Variants in LPAR6 observed in about 807,000 individuals in gnomAD.
LPAR6 encodes lysophosphatidic acid receptor 6.
LPAR6 carries 17 observed loss-of-function variants against 22.0 expected under a neutral mutation model. The observed-to-expected ratio is 0.77, with a 90% confidence interval of 0.53 to 1.16. LPAR6 has a LOEUF of 1.16. LPAR6 is among the 50% of genes most tolerant of loss of function. LPAR6 has a pLI of 0.00. For missense variants in LPAR6, 384 were observed against 406.9 expected, an observed-to-expected ratio of 0.94 and a Z score of 0.48; for synonymous variants, 136 against 139.8, an observed-to-expected ratio of 0.97 and a Z score of 0.19.
At chr13:48,441,745 T>C (rs1054061074) in intron 1 of LPAR6, among the ~76,000 whole-genome samples, 6 of 152,320 alleles carry the variant, frequency 3.9e-5, no homozygotes, top group African/African-American at 1.4e-4. Context: ...TTTGCTATCA[T>C]AGAATTATAT....
At chr13:48,414,668 A>T (rs1948877682), upstream of LPAR6, among the ~76,000 whole-genome samples, 1 of 152,088 alleles carries the variant, frequency 6.6e-6, no homozygotes, top group South Asian at 2.1e-4. Flanking sequence ...TTACAGTAAA[A>T]TGTTTTGTGT....
intron 1 of LPAR6, among the ~76,000 whole-genome samples, chr13:48,424,420 G>T (rs1261595850): frequency 1.3e-5 from 2 of 152,214 alleles, no homozygotes; most frequent in East Asian, 3.8e-4. Context: ...GAAGAGGAAA[G>T]ATTTAAAGGG....
At chr13:48,392,021 C>T (rs946505000) in intron 1 of LPAR6, among the ~76,000 whole-genome samples, 3 of 152,140 alleles carry the variant, frequency 2.0e-5, no homozygotes, top group African/African-American at 7.2e-5. Flanking sequence ...AGGTCTTTTG[C>T]TGGGTATTGA....
intron 1 of LPAR6, among the ~76,000 whole-genome samples, chr13:48,436,903 C>G (rs1294241491): frequency 1.3e-5 from 2 of 152,140 alleles, no homozygotes; most frequent in African/African-American, 4.8e-5. Context: ...AAAACAATAG[C>G]AATTTCTGCC....
upstream of LPAR6, among the ~76,000 whole-genome samples, chr13:48,413,846 T>C (rs1948860795): frequency 6.6e-6 from 1 of 152,228 alleles, no homozygotes; most frequent in Non-Finnish European, 1.5e-5. Context: ...CAAAATTTTT[T>C]TAACCTTAAA....
At position 48,424,046 on chromosome 13, in the gene LPAR6, C is replaced by T. The variant is rs117402689; in HGVS notation, c.-1094-1256G>A. 853 of 152,758 alleles carry T rather than the reference C, an allele frequency of 5.6e-3. 5 individuals are homozygous for T. The highest frequency in any genetic ancestry group is 0.01 in the Middle Eastern group (3 of 294). 9.5% of individuals were successfully genotyped at this position (152,758 alleles called of 1,614,324 possible). Reference sequence around the variant, plus strand: ...TGCCATGGTGAAATGTGACTTCCATCTCTTAATTTACACTTATGCAAAAAG... The same window carrying T: ...TGCCATGGTGAAATGTGACTTCCATTTCTTAATTTACACTTATGCAAAAAG... On this transcript the variant is annotated intron_variant, in intron 1 of 4. Transcript: ENST00000345941.
At chr13:48,433,301 T>G (rs1452833481) in intron 1 of LPAR6, among the ~76,000 whole-genome samples, 1 of 152,176 alleles carries the variant, frequency 6.6e-6, no homozygotes, top group Non-Finnish European at 1.5e-5. Flanking sequence ...TGTACTTTGA[T>G]GTTTTAAAAC....
intron 2 of LPAR6, among the ~76,000 whole-genome samples, chr13:48,420,273 C>T (rs1332870423): frequency 6.6e-6 from 1 of 152,072 alleles, no homozygotes; most frequent in African/African-American, 2.4e-5. Flanking sequence ...TAAACAGAAC[C>T]AAAGATAAAA....
rs984024626 is a variant in LPAR6 at position 48,432,092 on chromosome 13, G to C, written c.-1473-7973C>G. ...AGAAAAATAATTTAGGAGGAAAAAG[G>C]GGGTGGGCTTTTACTGTTCTACATA... On this transcript the variant is annotated intron_variant, in intron 1 of 6. Transcript: ENST00000378434. 2.0e-5 allele frequency among the ~76,000 whole-genome samples: 3 copies of C among 152,148 alleles called. No homozygotes were observed. The South Asian group carries it at 6.2e-4, about 32-fold the overall frequency.
chr13:48,416,867 A>G (rs577402775), upstream of LPAR6, among the ~76,000 whole-genome samples: 4 of 152,266 alleles, frequency 2.6e-5, no homozygotes, highest in Admixed American at 1.3e-4. Context: ...GCTTCTCTAG[A>G]GTCCTCCTCT....
At chr13:48,403,919 T>C (rs967459814) in intron 1 of LPAR6, among the ~76,000 whole-genome samples, 3 of 152,138 alleles carry the variant, frequency 2.0e-5, no homozygotes, top group Non-Finnish European at 4.4e-5. Context: ...GAGGATTGCT[T>C]GAGCCTGGGA....
upstream of LPAR6, among the ~76,000 whole-genome samples, chr13:48,430,897 T>TG (rs1305276621): frequency 6.6e-6 from 1 of 152,154 alleles, no homozygotes; most frequent in Non-Finnish European, 1.5e-5. Context: ...TACTTCAGCC[T>TG]GGGTGACAGC....
upstream of LPAR6, among the ~76,000 whole-genome samples, chr13:48,430,099 A>G (rs1252471384): frequency 6.6e-6 from 1 of 152,194 alleles, no homozygotes; most frequent in Admixed American, 6.5e-5. Flanking sequence ...CCTAATTTGC[A>G]TTCTCCACAC....
chr13:48,407,253 T>C (rs889182135), downstream of LPAR6, among the ~76,000 whole-genome samples: 9 of 152,224 alleles, frequency 5.9e-5, no homozygotes, highest in Non-Finnish European at 1.2e-4. Context: ...ATACCCCTTC[T>C]GGGGCTCTAT....
At chr13:48,409,569 G>GTTT (rs1948772358), downstream of LPAR6, among the ~76,000 whole-genome samples, 1 of 90,524 alleles carries the variant, frequency 1.1e-5, no homozygotes, top group African/African-American at 4.3e-5. Flanking sequence ...AGAACTGCTT[G>GTTT]ATTTTTTTTT....
intron 2 of LPAR6, among the ~76,000 whole-genome samples, chr13:48,421,164 T>C (rs866185077): frequency 6.6e-6 from 1 of 152,118 alleles, no homozygotes; most frequent in Non-Finnish European, 1.5e-5. Context: ...CAAAACAGCA[T>C]GGTATTGGTA....
chr13:48,408,879 A>C (rs1566209538), downstream of LPAR6: 1 of 152,156 alleles, frequency 6.6e-6, no homozygotes, highest in Non-Finnish European at 1.5e-5. Context: ...ATCTTGCCTT[A>C]AGTTGAGATC....
chr13:48,399,159 C>G (rs2804089), intron 1 of LPAR6, among the ~76,000 whole-genome samples: 137,722 of 152,024 alleles, frequency 0.91, 63,411 homozygotes, highest in East Asian at 1. Context: ...GAAGGGGTGA[C>G]AATGAGGTGA....
chr13:48,422,217 G>A (rs1949016913), intron 2 of LPAR6, among the ~76,000 whole-genome samples: 5 of 152,116 alleles, frequency 3.3e-5, no homozygotes, highest in Admixed American at 2.6e-4. Flanking sequence ...GTCCTTTGCA[G>A]GGACATGGAT....
Sources: allele counts gnomAD v4.1 joint callset (sites outside exome capture counted in the v4.1 genomes callset), GRCh38; gene constraint gnomAD v4.1.1; transcripts MANE v1.5; gene names NCBI Gene and HGNC (gene_info 2026-07-23, HGNC 2026-07-21).